PLA2G4A: variants seen among roughly 807,000 people sequenced by gnomAD.
PLA2G4A encodes cytosolic phospholipase A2.
A neutral mutation model predicts 81.9 loss-of-function variants in PLA2G4A; 40 were observed. The ratio of observed to expected loss-of-function variants is 0.49; its 90% CI spans 0.38 to 0.64. PLA2G4A has a LOEUF of 0.64. Among genes scored for constraint, PLA2G4A ranks in the 30% least tolerant of loss-of-function variants. The probability of loss-of-function intolerance (pLI) is 0.00; values close to 1 mark genes in which losing one functional copy is unlikely to be tolerated. For missense variants in PLA2G4A, 715 were observed against 905.1 expected (o/e 0.79, Z 2.69); for synonymous variants, 302 against 296.9 (o/e 1.02, Z -0.18).
In PLA2G4A at chr1:186,979,300, T is replaced by C. The variant is rs752749441; in HGVS notation, c.1961-15T>C. On this transcript the variant is annotated splice_polypyrimidine_tract_variant and intron_variant, in intron 16 of 17. Coordinates refer to ENST00000367466, the MANE Select transcript of PLA2G4A (RefSeq NM_024420.3). Reference sequence around the variant, plus strand: ...TTTTCAAAATAACACCCTTTGTGACTCTTCTGGTATTTAGGTGTTCCAAGG... The same window carrying C: ...TTTTCAAAATAACACCCTTTGTGACCCTTCTGGTATTTAGGTGTTCCAAGG... The C allele has an allele frequency of 2.8e-5, 44 of 1,598,314 alleles. No individual in the cohort carries two copies. The highest frequency in any genetic ancestry group is 3.7e-5 in the Non-Finnish European group (43 of 1,165,670).
intron 3 of PLA2G4A, chr1:186,870,746 TA>T: frequency 1.3e-6 from 2 of 1,544,356 alleles, no homozygotes; most frequent in African/African-American, 1.4e-5. Context: ...GTGACATGCG[TA>T]AGAGTGCCCT....
rs12720556 is a variant in PLA2G4A, at chr1:186,908,599, C to T, written c.416+1597C>T. Among the ~76,000 whole-genome samples, 641 of 152,042 alleles carry T rather than the reference C, an allele frequency of 4.2e-3. 3 individuals are homozygous for T. The highest frequency in any genetic ancestry group is 0.014 in the African/African-American group (591 of 41,494). ...CGTATACCACATGTTAATAATGGTG[C>T]TGCTTGTAATAGTTTACAAAACATT... On this transcript the variant is annotated intron_variant, in intron 6 of 17. Coordinates refer to ENST00000367466, the MANE Select transcript of PLA2G4A (RefSeq NM_024420.3).
At chr1:186,859,195 G>A in intron 2 of PLA2G4A, among the ~76,000 whole-genome samples, 1 of 152,082 alleles carries the variant, frequency 6.6e-6, no homozygotes, top group East Asian at 1.9e-4. Flanking sequence ...AGAATCCTGT[G>A]GGCTGATGCA....
chr1:186,951,341 T>A (rs1210009282), intron 13 of PLA2G4A, among the ~76,000 whole-genome samples: 1 of 151,998 alleles, frequency 6.6e-6, no homozygotes, highest in Non-Finnish European at 1.5e-5. Context: ...AAGGTGAGGA[T>A]CAGATTTGCA....
chr1:186,916,706 C>T (rs910472780), intron 7 of PLA2G4A, among the ~76,000 whole-genome samples: 1 of 152,158 alleles, frequency 6.6e-6, no homozygotes, highest in African/African-American at 2.4e-5. Flanking sequence ...TCCTGGGCTA[C>T]ATACCTGTAC....
At chr1:186,934,432 T>G (rs1655857481) in intron 8 of PLA2G4A, among the ~76,000 whole-genome samples, 1 of 24,800 alleles carries the variant, frequency 4.0e-5, no homozygotes, top group Admixed American at 5.4e-4. Flanking sequence ...TAAAAGGATT[T>G]TAAATGTGCA....
intron 15 of PLA2G4A, among the ~76,000 whole-genome samples, chr1:186,969,974 T>C (rs1657281826): frequency 6.6e-6 from 1 of 151,926 alleles, no homozygotes; most frequent in Non-Finnish European, 1.5e-5. Flanking sequence ...TTAGTTTTTG[T>C]AGGAACCTCC....
Position 186,870,685 on chromosome 1 carries a change from T to C in PLA2G4A, c.115+169T>C, listed in dbSNP as rs546014316. 1.1e-3 allele frequency: 1,611 copies of C among 1,496,396 alleles called. 4 individuals carry two copies. The highest frequency in any genetic ancestry group is 3.2e-3 in the African/African-American group (228 of 71,620). The allele number at this position is 1,496,396 out of a possible 1,614,324, so 92.7% of individuals were successfully genotyped here. A position where few individuals can be genotyped will look rare whatever the true frequency, so the allele number is the denominator to read the frequency against. On this transcript the variant is annotated intron_variant, in intron 3 of 17. Transcript: ENST00000367466. ...AGTTCTCTGATGCTATCTGTCAGAT[T>C]AGCATTTTACCTGGGCCTTAAATTA...
At chr1:186,903,609 G>C (rs114793514) in intron 5 of PLA2G4A, among the ~76,000 whole-genome samples, 2,834 of 152,222 alleles carry the variant, frequency 0.019, 93 homozygotes, top group African/African-American at 0.064. Flanking sequence ...ACAGGAGCAT[G>C]AACCCTATTG....
At chr1:186,958,540 AAGG>A (rs753195127) in intron 14 of PLA2G4A, among the ~76,000 whole-genome samples, 1 of 152,206 alleles carries the variant, frequency 6.6e-6, no homozygotes, top group African/African-American at 2.4e-5. Flanking sequence ...GCGAAGATCA[AAGG>A]AGATAATTCT....
chr1:186,981,359 G>A (rs1217621931), intron 17 of PLA2G4A, among the ~76,000 whole-genome samples: 2 of 152,086 alleles, frequency 1.3e-5, no homozygotes, highest in African/African-American at 4.8e-5. Context: ...TTGCAATAAG[G>A]AATGATACAG....
At chr1:186,848,093 T>C (rs901727663) in intron 1 of PLA2G4A, among the ~76,000 whole-genome samples, 2 of 152,052 alleles carry the variant, frequency 1.3e-5, no homozygotes, top group Admixed American at 1.3e-4. Flanking sequence ...GACCACAAGA[T>C]GCACTGGGGC....
At chr1:186,975,624 G>A (rs1404876733) in intron 15 of PLA2G4A, among the ~76,000 whole-genome samples, 1 of 152,166 alleles carries the variant, frequency 6.6e-6, no homozygotes, top group African/African-American at 2.4e-5. Flanking sequence ...ATAAGAAACA[G>A]ATGAAATAGA....
rs66584780 is a variant in PLA2G4A at position 186,862,223 on chromosome 1, C to CTTTTTTTTTTT, written c.33+7845_33+7846insTTTTTTTTTTT. Among the ~76,000 whole-genome samples the CTTTTTTTTTTT allele has an allele frequency of 2.3e-3, 296 of 126,268 alleles. 29 individuals are homozygous for CTTTTTTTTTTT. Among genetic ancestry groups the CTTTTTTTTTTT allele is most frequent in the African/African-American group, 5.9e-3 (197 of 33,440 alleles). The allele number at this position is 126,268 out of a possible 152,430, so 82.8% of individuals were successfully genotyped here. ...TATGTCTGTCTCTTTTAGTTATGAA[C>CTTTTTTTTTTT]TTTTTTTTTGAGACAGGGTCTCACA... On this transcript the variant is annotated intron_variant, in intron 2 of 17. Transcript: ENST00000367466.
In PLA2G4A at chr1:186,880,332, G is replaced by A. The variant is rs556671551; in HGVS notation, c.115+9816G>A. The stretch of plus-strand genomic sequence containing the variant: ...GAAAATCATAAGAACAATATTTAAA[G>A]TGAGATTGACATAATCTGTCCAATA... On this transcript the variant is annotated intron_variant, in intron 3 of 17. Transcript: ENST00000367466. 6.6e-5 allele frequency among the ~76,000 whole-genome samples: 10 copies of A among 152,120 alleles called. No individual in the cohort carries two copies. In the South Asian group the frequency reaches 2.1e-3, roughly 32 times the overall value.
chr1:186,971,087 CT>C (rs1657340860), intron 15 of PLA2G4A, among the ~76,000 whole-genome samples: 1 of 151,682 alleles, frequency 6.6e-6, no homozygotes, highest in Admixed American at 6.6e-5. Context: ...ATATATTTAA[CT>C]CATTAATCTT....
At chr1:186,930,437 C>T (rs1281905181) in intron 7 of PLA2G4A, among the ~76,000 whole-genome samples, 5 of 152,094 alleles carry the variant, frequency 3.3e-5, no homozygotes, top group Non-Finnish European at 4.4e-5. Context: ...CAGTATGTGT[C>T]GGGCTGTTGG....
intron 7 of PLA2G4A, 121 bp from the exon 8 acceptor site, chr1:186,932,642 A>C: frequency 1.0e-6 from 1 of 999,620 alleles, no homozygotes; most frequent in Non-Finnish European, 1.6e-6. Flanking sequence ...CTAAAGTATG[A>C]AGTTAACTTA....
intron 7 of PLA2G4A, among the ~76,000 whole-genome samples, chr1:186,926,960 C>T (rs576201396): frequency 6.6e-6 from 1 of 152,210 alleles, no homozygotes; most frequent in South Asian, 2.1e-4. Context: ...ATTAGTTTTC[C>T]TGGCTGTATA....
Sources: gnomAD v4.1 joint callset for allele counts (sites outside exome capture counted in the v4.1 genomes callset) on GRCh38, gnomAD v4.1.1 for gene constraint, MANE v1.5 for transcripts, NCBI Gene and HGNC (gene_info 2026-07-23, HGNC 2026-07-21) for gene names.